NOSTRIN: variants seen among roughly 807,000 people sequenced by gnomAD.
NOSTRIN encodes the protein nitric oxide synthase trafficking, also known as BM247 homolog.
A neutral mutation model predicts 59.0 loss-of-function variants in NOSTRIN; 63 were observed. The observed-to-expected ratio is 1.07, with a 90% CI of 0.87 to 1.32. NOSTRIN has a LOEUF of 1.32. NOSTRIN is among the 40% of genes most tolerant of loss of function. The probability of loss-of-function intolerance (pLI) is 0.00; values close to 1 mark genes in which losing one functional copy is unlikely to be tolerated. For missense variants in NOSTRIN, 512 were observed against 473.1 expected (o/e 1.08, Z -0.76); for synonymous variants, 200 against 165.4 (o/e 1.21, Z -1.61).
rs767905152 is a variant in NOSTRIN, at chr2:168,835,188, C to T, written c.504+863C>T. On this transcript the variant is annotated intron_variant, in intron 7 of 15. Coordinates refer to ENST00000317647, the MANE Select transcript of NOSTRIN (RefSeq NM_001039724.4). The stretch of plus-strand genomic sequence containing the variant: ...CTCCAGGCTTCAAGCAATTATCCCA[C>T]CCCAGCCTCCCAAGTAGCTGGGACT... 7.4e-4 allele frequency among the ~76,000 whole-genome samples: 112 copies of T among 152,106 alleles called. 1 individual carries two copies. The highest frequency in any genetic ancestry group is 1.1e-3 in the Non-Finnish European group (76 of 68,024).
intron 15 of NOSTRIN, among the ~76,000 whole-genome samples, chr2:168,863,934 A>C (rs564223619): frequency 9.9e-5 from 15 of 151,618 alleles, no homozygotes; most frequent in African/African-American, 3.4e-4. Context: ...TTTTTGAGGC[A>C]GAGTCTTGCT....
At chr2:168,830,347 C>A (rs998367466) in intron 5 of NOSTRIN, among the ~76,000 whole-genome samples, 6 of 152,170 alleles carry the variant, frequency 3.9e-5, no homozygotes, top group Non-Finnish European at 1.5e-5. Context: ...CCCACCACCC[C>A]ACTCCACTCT....
At chr2:168,803,010 A>T (rs555573613) in intron 1 of NOSTRIN, among the ~76,000 whole-genome samples, 2 of 152,334 alleles carry the variant, frequency 1.3e-5, no homozygotes, top group South Asian at 4.1e-4. Flanking sequence ...TGTGGTGTGG[A>T]TACAAAAACA....
chr2:168,828,617 T>C (rs1687185452), intron 5 of NOSTRIN, 116 bp downstream of exon 5: 2 of 436,948 alleles, frequency 4.6e-6, no homozygotes, highest in Non-Finnish European at 8.2e-6. Context: ...ATCCTAAAAA[T>C]AAAATAAATA....
intron 2 of NOSTRIN, among the ~76,000 whole-genome samples, chr2:168,790,571 A>C (rs775387025): frequency 6.6e-6 from 1 of 152,234 alleles, no homozygotes; most frequent in Non-Finnish European, 1.5e-5. Flanking sequence ...GATAAGTCCA[A>C]ATTGAAGGAC....
intron 15 of NOSTRIN, among the ~76,000 whole-genome samples, chr2:168,864,402 C>T (rs1276470601): frequency 1.3e-5 from 2 of 152,114 alleles, no homozygotes; most frequent in African/African-American, 2.4e-5. Context: ...TCTCCTGCCT[C>T]AGCCTCCTGA....
intron 7 of NOSTRIN, among the ~76,000 whole-genome samples, chr2:168,838,686 G>A (rs474538): frequency 0.6 from 91,769 of 151,862 alleles, 28,539 homozygotes; most frequent in African/African-American, 0.74. Context: ...TATTCCCCAT[G>A]TACAAGCCAA....
At position 168,839,913 on chromosome 2, in the gene NOSTRIN, ATATATATATGTGTG is replaced by A. The variant is rs149590043; in HGVS notation, c.505-3077_505-3064del. Among the ~76,000 whole-genome samples the A allele has an allele frequency of 3.2e-3, 194 of 60,820 alleles. 2 individuals carry two copies. Among genetic ancestry groups the A allele is most frequent in the African/African-American group, 4.6e-3 (68 of 14,858 alleles). The allele number at this position is 60,820 out of a possible 152,430, so 39.9% of individuals were successfully genotyped here. On this transcript the variant is annotated intron_variant, in intron 7 of 15. Coordinates refer to ENST00000317647, the MANE Select transcript of NOSTRIN (RefSeq NM_001039724.4). ...AAAAAAAAAAAAAATATATATATAT[ATATATATATGTGTG>A]TGTGTGTGTGTGTATGAGTATACAT...
chr2:168,824,080 CA>C (rs903727583), intron 2 of NOSTRIN, among the ~76,000 whole-genome samples: 19 of 151,776 alleles, frequency 1.3e-4, no homozygotes, highest in Admixed American at 3.9e-4. Flanking sequence ...CATCTCAAAA[CA>C]AAAAACAAAA....
chr2:168,855,800 A>G (rs190654971), intron 11 of NOSTRIN: 75 of 443,092 alleles, frequency 1.7e-4, no homozygotes, highest in Non-Finnish European at 2.6e-4. Context: ...CCAACTGTGC[A>G]TGAGAGTTTT....
At chr2:168,828,843 A>G (rs1424256741) in intron 5 of NOSTRIN, among the ~76,000 whole-genome samples, 1 of 152,058 alleles carries the variant, frequency 6.6e-6, no homozygotes, top group African/African-American at 2.4e-5. Context: ...TTTTCACAGT[A>G]TACTGCTAAA....
chr2:168,837,993 T>A (rs1687841630), intron 7 of NOSTRIN, among the ~76,000 whole-genome samples: 1 of 152,196 alleles, frequency 6.6e-6, no homozygotes, highest in Non-Finnish European at 1.5e-5. Flanking sequence ...CACTCTATTC[T>A]CTTCACCATT....
upstream of NOSTRIN, among the ~76,000 whole-genome samples, chr2:168,793,842 A>G (rs953814366): frequency 1.3e-5 from 2 of 152,188 alleles, no homozygotes; most frequent in African/African-American, 2.4e-5. Flanking sequence ...TTCTGGATAC[A>G]ACAGAATAGT....
intron 7 of NOSTRIN, among the ~76,000 whole-genome samples, chr2:168,837,629 G>A (rs1242013597): frequency 6.6e-6 from 1 of 152,072 alleles, no homozygotes; most frequent in Non-Finnish European, 1.5e-5. Flanking sequence ...TTAGTGAAAG[G>A]GGTATCTATC....
chr2:168,861,424 C>T (rs1385828215), intron 14 of NOSTRIN, among the ~76,000 whole-genome samples: 1 of 151,790 alleles, frequency 6.6e-6, no homozygotes, highest in South Asian at 2.1e-4. Flanking sequence ...ACTGTACCTG[C>T]ATGTTCAAGT....
intron 3 of NOSTRIN, among the ~76,000 whole-genome samples, chr2:168,827,414 G>A (rs1687116092): frequency 6.6e-6 from 1 of 152,212 alleles, no homozygotes; most frequent in Admixed American, 6.5e-5. Flanking sequence ...CCCAAGAGCA[G>A]CAGCAGGACA....
At chr2:168,818,599 C>T (rs542758453) in intron 2 of NOSTRIN, among the ~76,000 whole-genome samples, 5 of 152,204 alleles carry the variant, frequency 3.3e-5, no homozygotes, top group South Asian at 2.1e-4. Context: ...TTTTAATTAG[C>T]GCTTTATCTA....
At chr2:168,841,649 G>A (rs553514018) in intron 7 of NOSTRIN, among the ~76,000 whole-genome samples, 1 of 152,332 alleles carries the variant, frequency 6.6e-6, no homozygotes, top group East Asian at 1.9e-4. Flanking sequence ...GTGTTGGGCA[G>A]TGTGCCATTT....
intron 8 of NOSTRIN, among the ~76,000 whole-genome samples, chr2:168,845,382 G>A (rs1246332139): frequency 6.6e-6 from 1 of 152,116 alleles, no homozygotes. Context: ...CCCTTCAAGG[G>A]CTATGAGAAA....
Sources: allele counts gnomAD v4.1 joint callset (sites outside exome capture counted in the v4.1 genomes callset), GRCh38; gene constraint gnomAD v4.1.1; transcripts MANE v1.5; gene names NCBI Gene and HGNC (gene_info 2026-07-23, HGNC 2026-07-21).